Variants in TGS1 observed in about 807,000 individuals in gnomAD.
TGS1 encodes the protein trimethylguanosine synthase.
In TGS1, 69 loss-of-function variants were observed where a neutral mutation model predicts 92.2. That is an observed-to-expected ratio of 0.75 (90% CI 0.62 to 0.91). TGS1 has a LOEUF of 0.91. Among genes scored for constraint, TGS1 ranks in the 40% least tolerant of loss-of-function variants. TGS1 has a pLI of 0.00. For missense variants in TGS1, 1,062 were observed against 1,001.2 expected, an observed-to-expected ratio of 1.06 and a Z score of -0.82; for synonymous variants, 345 against 338.1, an observed-to-expected ratio of 1.02 and a Z score of -0.22.
Position 55,810,960 on chromosome 8 carries a change from AG to A in TGS1, c.2224del (p.Glu742SerfsTer14). 1 of 1,614,182 alleles carries A rather than the reference AG, an allele frequency of 6.2e-7. No individual in the cohort carries two copies. Among genetic ancestry groups the A allele is most frequent in the Non-Finnish European group, 8.5e-7 (1 of 1,180,012 alleles). On this transcript the variant is annotated frameshift_variant, in exon 11 of 13. Transcript: ENST00000260129. LOFTEE classifies it high-confidence loss of function. ...AEVYGIADKIEFICGDFLLLA... is the reference protein window; with the variant it reads ...AEVYGIADKIXFICGDFLLLA... ...AAGTTTATGGGATAGCAGATAAGAT[AG>A]AGTTCATCTGTGGAGATTTCTTGCT...
At chr8:55,797,491 T>G (rs1812093205) in intron 7 of TGS1, among the ~76,000 whole-genome samples, 1 of 152,200 alleles carries the variant, frequency 6.6e-6, no homozygotes, top group Non-Finnish European at 1.5e-5. Flanking sequence ...TATTATAAGC[T>G]TTAATTCTGA....
At chr8:55,810,815 A>G (rs1452556110) in intron 10 of TGS1, 66 bp from the exon 11 acceptor site, 2 of 1,348,374 alleles carry the variant, frequency 1.5e-6, no homozygotes, top group Admixed American at 1.7e-5. Context: ...TATTCGAAAG[A>G]CAAACTATCC....
At chr8:55,802,388 T>C in intron 8 of TGS1, 69 bp from the exon 9 acceptor site, 1 of 1,313,704 alleles carries the variant, frequency 7.6e-7, no homozygotes, top group Non-Finnish European at 1.1e-6. Context: ...GCTTCATTTT[T>C]AGATAAACTC....
chr8:55,810,667 CA>C (rs1563467015), intron 10 of TGS1, among the ~76,000 whole-genome samples: 1 of 152,170 alleles, frequency 6.6e-6, no homozygotes, highest in African/African-American at 2.4e-5. Flanking sequence ...CCAAGTCCTT[CA>C]GTCACATTTT....
rs1811271799 is a variant in TGS1, at chr8:55,773,476, C to CGCGAGCGGCCGCGGGCTAGTTCCT, written c.-142_-141insCGAGCGGCCGCGGGCTAGTTCCTG. 2 of 576,818 alleles carry CGCGAGCGGCCGCGGGCTAGTTCCT rather than the reference C, an allele frequency of 3.5e-6. No individual in the cohort carries two copies. Among genetic ancestry groups the CGCGAGCGGCCGCGGGCTAGTTCCT allele is most frequent in the African/African-American group, 3.9e-5 (2 of 51,018 alleles). 35.7% of individuals were successfully genotyped at this position (576,818 alleles called of 1,614,324 possible). On this transcript the variant is annotated 5_prime_UTR_variant, in exon 1 of 13. Transcript: ENST00000260129. ...CGGCGGCAGCGTCCGGGCTAGTTCC[C>CGCGAGCGGCCGCGGGCTAGTTCCT]GGCGCGAGCGGCCGCGGGCCAGTTT...
chr8:55,816,285 T>C (rs1803475230), intron 12 of TGS1, among the ~76,000 whole-genome samples: 1 of 152,172 alleles, frequency 6.6e-6, no homozygotes, highest in South Asian at 2.1e-4. Flanking sequence ...TATTAATAGA[T>C]GGAAATCTCT....
In TGS1 at chr8:55,803,931, C is replaced by T. The variant is rs370738329; in HGVS notation, c.2000-962C>T. Among the ~76,000 whole-genome samples the T allele has an allele frequency of 3.9e-5, 6 of 152,150 alleles. No homozygotes were observed. The East Asian group carries it at 7.7e-4, about 20-fold the overall frequency. On this transcript the variant is annotated intron_variant, in intron 9 of 12. Coordinates refer to ENST00000260129, the MANE Select transcript of TGS1 (RefSeq NM_024831.8). The stretch of plus-strand genomic sequence containing the variant: ...ACTCCTGTGCTCAAGTGATCCACCA[C>T]GCCCAGCCCAGCACATCATTTTGTT...
In TGS1 at chr8:55,786,689, C is replaced by T. The variant is rs1811723964; in HGVS notation, c.791C>T (p.Ala264Val). The change falls in exon 4 of 13, where the codon GCC (alanine) becomes GTC (valine). Residue 264 changes from alanine to valine, a missense_variant. By Grantham distance (64) the Ala-to-Val change is moderately conservative. Coordinates refer to ENST00000260129, the MANE Select transcript of TGS1 (RefSeq NM_024831.8). ...YWEAQGWTFD[A>V]SQSCDTDTYT... Reference sequence around the variant, plus strand: ...GAAGCTCAGGGTTGGACTTTTGATGCCTCGCAAAGCTGTGATACAGATACT... The same window carrying T: ...GAAGCTCAGGGTTGGACTTTTGATGTCTCGCAAAGCTGTGATACAGATACT... 5 of 1,613,900 alleles carry T rather than the reference C, an allele frequency of 3.1e-6. No homozygotes were observed. Among genetic ancestry groups the T allele is most frequent in the Non-Finnish European group, 4.2e-6 (5 of 1,180,004 alleles).
At chr8:55,816,838 T>C (rs142244619) in intron 12 of TGS1, among the ~76,000 whole-genome samples, 170 of 152,216 alleles carry the variant, frequency 1.1e-3, no homozygotes, top group African/African-American at 3.8e-3. Context: ...TTAGATTTAA[T>C]AATGGAATTC....
intron 9 of TGS1, among the ~76,000 whole-genome samples, chr8:55,803,112 T>C (rs1395342958): frequency 6.6e-6 from 1 of 150,502 alleles, no homozygotes; most frequent in Non-Finnish European, 1.5e-5. Context: ...TTTTATAGGA[T>C]GCCCTTCAAT....
chr8:55,800,605 G>T (rs554042062), intron 8 of TGS1, among the ~76,000 whole-genome samples: 48 of 152,266 alleles, frequency 3.2e-4, no homozygotes, highest in African/African-American at 1.1e-3. Flanking sequence ...TGGAATTCTG[G>T]CATTTAGTAC....
intron 12 of TGS1, 22 bp downstream of exon 12, chr8:55,813,140 TC>T: frequency 6.7e-7 from 1 of 1,501,790 alleles, no homozygotes; most frequent in Non-Finnish European, 9.3e-7. Flanking sequence ...CTGAAAAACT[TC>T]CATGAGTGTC....
chr8:55,806,385 GAAAA>G (rs34109669), intron 10 of TGS1, among the ~76,000 whole-genome samples: 1 of 121,006 alleles, frequency 8.3e-6, no homozygotes, highest in Admixed American at 8.5e-5. Context: ...AAAGACAAAA[GAAAA>G]AAAAAAACCT....
rs3085191 is a variant in TGS1 at position 55,803,124 on chromosome 8, T to TG, written c.1999+525dup. ...TTATTTTATAGGATGCCCTTCAATT[T>TG]GGGGGGGTGTGTGTGTGTGTGTGTG... On this transcript the variant is annotated intron_variant, in intron 9 of 12. Coordinates refer to ENST00000260129, the MANE Select transcript of TGS1 (RefSeq NM_024831.8). Among the ~76,000 whole-genome samples, 220 of 148,594 alleles carry TG rather than the reference T, an allele frequency of 1.5e-3. 1 individual carries two copies. The highest frequency in any genetic ancestry group is 5.2e-3 in the African/African-American group (207 of 39,956).
chr8:55,810,825 C>G, intron 10 of TGS1, 56 bp from the exon 11 acceptor site: 1 of 1,381,906 alleles, frequency 7.2e-7, no homozygotes, highest in Non-Finnish European at 1.0e-6. Flanking sequence ...ACAAACTATC[C>G]TATATAAGTA....
chr8:55,785,046 T>G, intron 2 of TGS1, among the ~76,000 whole-genome samples: 1 of 151,912 alleles, frequency 6.6e-6, no homozygotes, highest in African/African-American at 2.4e-5. Flanking sequence ...TTACTGTCAA[T>G]TGGTGTTTTT....
chr8:55,796,206 G>C lies in TGS1; in HGVS notation c.1542+54G>C. 3 of 1,351,428 alleles carry C rather than the reference G, an allele frequency of 2.2e-6. No homozygotes were observed. In the East Asian group the frequency reaches 7.1e-5, roughly 32 times the overall value. The allele number at this position is 1,351,428 out of a possible 1,614,324, so 83.7% of individuals were successfully genotyped here. ...AGATAGAATCATGTTTTGTAAGTTT[G>C]ACCTCTTAAAATTGTTGTATTCAAA... On this transcript the variant is annotated intron_variant, in intron 7 of 12. Coordinates refer to ENST00000260129, the MANE Select transcript of TGS1 (RefSeq NM_024831.8).
rs1812147625 is a variant in TGS1 at position 55,799,138 on chromosome 8, A to T, written c.1767A>T (p.Arg589Ser). Residue 589 changes from arginine (R) to serine (S), a missense_variant, in exon 8 of 13, where the codon AGA becomes AGT. Arg to Ser is a moderately radical substitution (Grantham distance 110). Transcript: ENST00000260129. Reference sequence around the variant, plus strand: ...AACTTGAAACAGAAAACTATGAAAGAGACAGCTTGCTAGCAACTGTTCCAG... The same window carrying T: ...AACTTGAAACAGAAAACTATGAAAGTGACAGCTTGCTAGCAACTGTTCCAG... ...AGELETENYE[R>S]DSLLATVPDE... 2 of 1,614,066 alleles carry T rather than the reference A, an allele frequency of 1.2e-6. No individual in the cohort carries two copies. Among genetic ancestry groups the T allele is most frequent in the South Asian group, 2.2e-5 (2 of 91,088 alleles).
At chr8:55,822,022 C>T (rs1476307250) in intron 12 of TGS1, among the ~76,000 whole-genome samples, 1 of 151,232 alleles carries the variant, frequency 6.6e-6, no homozygotes, top group Non-Finnish European at 1.5e-5. Flanking sequence ...CCAAAAAAAG[C>T]CTATTTTAAT....
Sources: gnomAD v4.1 joint callset for allele counts (sites outside exome capture counted in the v4.1 genomes callset) on GRCh38, gnomAD v4.1.1 for gene constraint, MANE v1.5 for transcripts, NCBI Gene and HGNC (gene_info 2026-07-23, HGNC 2026-07-21) for gene names.